RNASET2: variants seen among roughly 807,000 people sequenced by gnomAD.
The protein encoded by RNASET2 is ribonuclease 6.
Under a neutral mutation model 33.9 loss-of-function variants are expected in RNASET2, and 28 were observed. The observed-to-expected ratio is 0.83, with a 90% CI of 0.61 to 1.13. The LOEUF is 1.13. RNASET2 is among the 50% of genes most tolerant of loss of function. The pLI, the probability that RNASET2 is intolerant of heterozygous loss-of-function variation, is 0.00. For missense variants in RNASET2, 330 were observed against 319.9 expected, an observed-to-expected ratio of 1.03 and a Z score of -0.24; for synonymous variants, 123 against 121.0, an observed-to-expected ratio of 1.02 and a Z score of -0.11.
chr6:166,952,581 A>G, intron 1 of RNASET2, 33 bp from the exon 2 acceptor site: 2 of 1,570,310 alleles, frequency 1.3e-6, no homozygotes, highest in East Asian at 2.2e-5. Flanking sequence ...TTTTTCAAGA[A>G]CTTTTTTTAA....
chr6:166,938,181 G>A (rs1243729894), intron 6 of RNASET2, among the ~76,000 whole-genome samples: 1 of 152,172 alleles, frequency 6.6e-6, no homozygotes, highest in Non-Finnish European at 1.5e-5. Flanking sequence ...TGTTTTTCAC[G>A]ACTTCACTGG....
chr6:166,937,015 C>T (rs1778586023), intron 6 of RNASET2, among the ~76,000 whole-genome samples: 1 of 152,188 alleles, frequency 6.6e-6, no homozygotes, highest in African/African-American at 2.4e-5. Context: ...CAGAGGGCAT[C>T]TTTCTTGTCA....
intron 4 of RNASET2, 158 bp downstream of exon 4, chr6:166,946,524 G>A (rs375534540): frequency 3.5e-5 from 23 of 657,060 alleles, no homozygotes; most frequent in Admixed American, 3.4e-4. Context: ...TTGTGGGGTC[G>A]AGATAACAAT....
intron 2 of RNASET2, among the ~76,000 whole-genome samples, chr6:166,949,500 C>CAAAAAAAAAAAAAAA (rs61621125): frequency 1.1e-4 from 5 of 44,402 alleles, no homozygotes; most frequent in Non-Finnish European, 2.2e-4. Context: ...GACTCCATCT[C>CAAAAAAAAAAAAAAA]AAAAAAAAAA....
intron 6 of RNASET2, 169 bp downstream of exon 6, chr6:166,938,726 G>A (rs780358886): frequency 1.3e-6 from 1 of 772,360 alleles, no homozygotes; most frequent in Non-Finnish European, 2.4e-6. Context: ...GAAAGGCTTG[G>A]TAGGCTCAGA....
Position 166,943,088 on chromosome 6 carries a change from T to G in RNASET2, c.263A>C (p.Asp88Ala). 6.2e-7 allele frequency: 1 copy of G among 1,611,502 alleles called. No individual in the cohort carries two copies. The highest frequency in any genetic ancestry group is 8.5e-7 in the Non-Finnish European group (1 of 1,178,206). The change falls in exon 5 of 9, where the codon GAT becomes GCT. Residue 88 changes from aspartate (D) to alanine (A), a missense_variant and splice_region_variant. By Grantham distance (126) the Asp-to-Ala change is moderately radical. Transcript: ENST00000508775. ...SWPFNLEEIK[D>A]LLPEMRAYWP... is the part of the protein sequence containing the mutation. ...GTATGCCCTCATTTCTGGCAAAAGA[T>G]CCTATGCATTAAAAAATAAAATAAG...
At chr6:166,945,857 A>AGAAAAGAAAG (rs1163957193) in intron 4 of RNASET2, among the ~76,000 whole-genome samples, 1 of 151,254 alleles carries the variant, frequency 6.6e-6, no homozygotes, top group East Asian at 2.0e-4. Flanking sequence ...AGAAAAGAAA[A>AGAAAAGAAAG]GAAAAAAAGA....
chr6:166,930,584 C>A (rs1778400409), intron 8 of RNASET2, among the ~76,000 whole-genome samples: 1 of 151,072 alleles, frequency 6.6e-6, no homozygotes, highest in Admixed American at 6.6e-5. Context: ...CACATGCACA[C>A]ACACAGCACA....
chr6:166,939,622 T>C (rs1187246628), intron 5 of RNASET2, among the ~76,000 whole-genome samples: 2 of 152,050 alleles, frequency 1.3e-5, no homozygotes, highest in African/African-American at 4.8e-5. Flanking sequence ...TCTCCTGCAG[T>C]GAGTGGGTGC....
rs564455321 is a variant in RNASET2, at chr6:166,946,648, A to G, written c.261+34T>C. 1.1e-5 allele frequency: 13 copies of G among 1,169,012 alleles called. No individual in the cohort carries two copies. The Admixed American group carries it at 1.9e-4, about 17-fold the overall frequency. 72.4% of individuals were successfully genotyped at this position (1,169,012 alleles called of 1,614,324 possible). A position where few individuals can be genotyped will look rare whatever the true frequency, so the allele number is the denominator to read the frequency against. The stretch of plus-strand genomic sequence containing the variant: ...AAGAAAAGAGTTAATCTAGGTCAAC[A>G]CTCTGCAGTAGAAATATAATTAAAA... On this transcript the variant is annotated intron_variant, in intron 4 of 8. Coordinates refer to ENST00000508775, the MANE Select transcript of RNASET2 (RefSeq NM_003730.6).
In RNASET2 at chr6:166,929,700, G is replaced by A. The variant is rs751838276; in HGVS notation, c.659C>T (p.Pro220Leu). The A allele has an allele frequency of 1.9e-6, 3 of 1,613,930 alleles. No individual in the cohort carries two copies. The highest frequency in any genetic ancestry group is 1.7e-6 in the Non-Finnish European group (2 of 1,180,014). Reference protein sequence around the residue: ...LQNCTEPGEQPSPKQEVWLAN... With the variant: ...LQNCTEPGEQLSPKQEVWLAN... The stretch of plus-strand genomic sequence containing the variant: ...CAGCCAGACTTCCTGCTTGGGGGAC[G>A]GCTGCTCCCCCGGCTCGGTGCAGTT... The change falls in exon 9 of 9, where the codon CCG becomes CTG. Residue 220 changes from proline (P) to leucine (L), a missense_variant. Pro to Leu is a moderately conservative substitution (Grantham distance 98). Coordinates refer to ENST00000508775, the MANE Select transcript of RNASET2 (RefSeq NM_003730.6).
Position 166,931,590 on chromosome 6 carries a change from A to G in RNASET2, c.493-472T>C, listed in dbSNP as rs148167922. ...CAGAAGAAAGGCCCTGGGACCCCTCAGCTACCGGTCCCGAAACTGCAAACC... is the reference window on the plus strand; with the variant it reads ...CAGAAGAAAGGCCCTGGGACCCCTCGGCTACCGGTCCCGAAACTGCAAACC... On this transcript the variant is annotated intron_variant, in intron 7 of 8. Coordinates refer to ENST00000508775, the MANE Select transcript of RNASET2 (RefSeq NM_003730.6). 390 of 187,478 alleles carry G rather than the reference A, an allele frequency of 2.1e-3. 1 individual carries two copies. The highest frequency in any genetic ancestry group is 8.7e-3 in the African/African-American group (369 of 42,256). 11.6% of individuals were successfully genotyped at this position (187,478 alleles called of 1,614,324 possible). A position where few individuals can be genotyped will look rare whatever the true frequency, so the allele number is the denominator to read the frequency against.
chr6:166,951,899 G>T (rs763197218), intron 2 of RNASET2, among the ~76,000 whole-genome samples: 1 of 152,142 alleles, frequency 6.6e-6, no homozygotes, highest in African/African-American at 2.4e-5. Context: ...GGGTTGAACC[G>T]TGTCCTCCCA....
intron 1 of RNASET2, among the ~76,000 whole-genome samples, chr6:166,953,777 C>T (rs540654101): frequency 1.3e-4 from 19 of 151,296 alleles, no homozygotes; most frequent in Non-Finnish European, 2.2e-4. Context: ...ACTTGGAAGG[C>T]GCTGAGGCAA....
At chr6:166,935,270 C>T (rs1416152285) in intron 6 of RNASET2, among the ~76,000 whole-genome samples, 11 of 151,946 alleles carry the variant, frequency 7.2e-5, no homozygotes, top group Admixed American at 2.6e-4. Flanking sequence ...TCCTAAGTTT[C>T]GATGATCCTA....
intron 6 of RNASET2, chr6:166,934,465 C>T: frequency 3.2e-6 from 1 of 313,812 alleles, no homozygotes; most frequent in Non-Finnish European, 6.0e-6. Flanking sequence ...CTTTAAAAGA[C>T]AGCAATTGAA....
intron 1 of RNASET2, among the ~76,000 whole-genome samples, chr6:166,955,223 G>GCACGCACGCA (rs1779090314): frequency 2.6e-5 from 1 of 38,758 alleles, no homozygotes; most frequent in Non-Finnish European, 4.2e-5. Context: ...GCACACACGC[G>GCACGCACGCA]CACACACGCA....
intron 5 of RNASET2, among the ~76,000 whole-genome samples, chr6:166,939,485 C>A (rs1476268165): frequency 2.0e-5 from 3 of 152,208 alleles, no homozygotes; most frequent in Non-Finnish European, 4.4e-5. Flanking sequence ...TTCAATCCCC[C>A]ACGATTAAAT....
chr6:166,948,384 A>G, intron 3 of RNASET2, 186 bp downstream of exon 3: 1 of 683,398 alleles, frequency 1.5e-6, no homozygotes. Context: ...CTATGAAGAC[A>G]GAATTAAAGA....
Sources: allele counts gnomAD v4.1 joint callset (sites outside exome capture counted in the v4.1 genomes callset), GRCh38; gene constraint gnomAD v4.1.1; transcripts MANE v1.5; gene names NCBI Gene and HGNC (gene_info 2026-07-23, HGNC 2026-07-21).